MOSMO: variants seen among roughly 807,000 people sequenced by gnomAD.
MOSMO encodes the protein modulator of smoothened protein.
In MOSMO, 5 loss-of-function variants were observed where a neutral mutation model predicts 18.4. That is an observed-to-expected ratio of 0.27 (90% CI 0.14 to 0.57). The LOEUF (loss-of-function observed/expected upper bound fraction) is 0.57. Ranked by LOEUF, MOSMO falls within the 20% of genes least tolerant of loss-of-function variation. The pLI is 0.92. For synonymous variants in MOSMO, 82 were observed against 82.3 expected (o/e 1.00, Z 0.02); for missense variants, 138 against 211.8 (o/e 0.65, Z 2.16).
At chr16:22,009,189 T>C (rs1899463774) in intron 1 of MOSMO, among the ~76,000 whole-genome samples, 1 of 152,226 alleles carries the variant, frequency 6.6e-6, no homozygotes, top group Non-Finnish European at 1.5e-5. Flanking sequence ...GGAGCTATAA[T>C]ACTACTAATA....
downstream of MOSMO, among the ~76,000 whole-genome samples, chr16:22,088,157 GGGACTACAGGTGCATGCCACCAC>G (rs982761057): frequency 6.6e-6 from 1 of 151,860 alleles, no homozygotes; most frequent in Admixed American, 6.6e-5. Flanking sequence ...CCAAGTAGCT[GGGACTACAGGTGCATGCCACCAC>G]GGCCTGCTAA....
chr16:22,073,294 TTGTA>T (rs1900896101), intron 1 of MOSMO, among the ~76,000 whole-genome samples: 1 of 152,166 alleles, frequency 6.6e-6, no homozygotes. Flanking sequence ...TGTACAGACT[TTGTA>T]TGTTAAATTG....
chr16:22,071,041 G>A (rs1161183060), intron 1 of MOSMO, among the ~76,000 whole-genome samples: 1 of 152,204 alleles, frequency 6.6e-6, no homozygotes, highest in African/African-American at 2.4e-5. Context: ...TCTTGGGAAA[G>A]GCAGTATGTT....
At chr16:22,092,577 G>A in the MOSMO span, 2 of 1,544,900 alleles carry the variant, frequency 1.3e-6, no homozygotes, top group Non-Finnish European at 1.8e-6. Context: ...CCAGAAGTGA[G>A]ATCCAGGAGA....
At chr16:22,018,479 AG>A (rs1229109849) in intron 1 of MOSMO, among the ~76,000 whole-genome samples, 1 of 152,204 alleles carries the variant, frequency 6.6e-6, no homozygotes, top group Non-Finnish European at 1.5e-5. Flanking sequence ...TTGATTTATA[AG>A]GTACCATCAT....
At chr16:22,066,266 C>T (rs1480789682) in intron 1 of MOSMO, among the ~76,000 whole-genome samples, 1 of 4,546 alleles carries the variant, frequency 2.2e-4, no homozygotes, top group Non-Finnish European at 3.2e-3. Context: ...TGTTCTATTC[C>T]TAGGCATTTG....
intron 1 of MOSMO, among the ~76,000 whole-genome samples, chr16:22,051,076 A>G (rs958846331): frequency 6.6e-6 from 1 of 152,046 alleles, no homozygotes; most frequent in Non-Finnish European, 1.5e-5. Context: ...TAGAAGCTAT[A>G]AAAGACATGA....
At chr16:22,088,055 G>T (rs1901220806), downstream of MOSMO, among the ~76,000 whole-genome samples, 1 of 151,494 alleles carries the variant, frequency 6.6e-6, no homozygotes, top group African/African-American at 2.4e-5. Context: ...TTGAGACAGG[G>T]TCTTGCTCTG....
At chr16:22,058,190 G>A (rs1274721255) in intron 1 of MOSMO, among the ~76,000 whole-genome samples, 1 of 152,158 alleles carries the variant, frequency 6.6e-6, no homozygotes, top group African/African-American at 2.4e-5. Context: ...CACTTTGGGA[G>A]GCCAAGGCGG....
At chr16:22,016,795 C>G (rs1899647653) in intron 1 of MOSMO, among the ~76,000 whole-genome samples, 1 of 152,176 alleles carries the variant, frequency 6.6e-6, no homozygotes, top group Non-Finnish European at 1.5e-5. Context: ...ATTAATACCT[C>G]TTTCAGCACT....
intron 1 of MOSMO, among the ~76,000 whole-genome samples, chr16:22,039,559 G>A (rs1332015582): frequency 6.6e-6 from 1 of 152,124 alleles, no homozygotes; most frequent in Non-Finnish European, 1.5e-5. Flanking sequence ...AGCAGGCTGG[G>A]CATGGTGGCT....
chr16:22,079,136 T>A (rs1901029723), intron 2 of MOSMO, among the ~76,000 whole-genome samples: 1 of 152,238 alleles, frequency 6.6e-6, no homozygotes, highest in African/African-American at 2.4e-5. Context: ...CCTAATTGAC[T>A]TTTTTAAAAC....
chr16:22,083,813 C>T lies in MOSMO; in HGVS notation c.*2933C>T. 2 of 377,956 alleles carry T rather than the reference C, an allele frequency of 5.3e-6. No homozygotes were observed. The highest frequency in any genetic ancestry group is 1.0e-5 in the Non-Finnish European group (2 of 195,512). 23.4% of individuals were successfully genotyped at this position (377,956 alleles called of 1,614,324 possible). A position where few individuals can be genotyped will look rare whatever the true frequency, so the allele number is the denominator to read the frequency against. ...TTGAACATACCCAAACATCTGTAAA[C>T]ATGAAAAATCTTCAATTTATTAAAA... On this transcript the variant is annotated 3_prime_UTR_variant, in exon 3 of 3. Transcript: ENST00000542527.
Position 22,072,804 on chromosome 16 carries a change from C to G in MOSMO, c.107-2683C>G, listed in dbSNP as rs374969420. ...CCTGGGTGACAGAGCGAGACTCCAT[C>G]TCAAAAAAAAAAAAAAAAAGTGTAT... On this transcript the variant is annotated intron_variant, in intron 1 of 2. Coordinates refer to ENST00000542527, the MANE Select transcript of MOSMO (RefSeq NM_001164579.2). Among the ~76,000 whole-genome samples, 21 of 141,750 alleles carry G rather than the reference C, an allele frequency of 1.5e-4. 1 individual carries two copies. In the East Asian group the frequency reaches 2.2e-3, roughly 15 times the overall value. The allele number at this position is 141,750 out of a possible 152,430, so 93.0% of individuals were successfully genotyped here. A position where few individuals can be genotyped will look rare whatever the true frequency, so the allele number is the denominator to read the frequency against.
At chr16:22,074,673 G>A (rs1388688367) in intron 1 of MOSMO, among the ~76,000 whole-genome samples, 1 of 152,160 alleles carries the variant, frequency 6.6e-6, no homozygotes, top group African/African-American at 2.4e-5. Flanking sequence ...CCTTGGGTTT[G>A]ACATGAGAAC....
At chr16:22,022,201 T>TA (rs1216581326) in intron 1 of MOSMO, among the ~76,000 whole-genome samples, 1 of 151,762 alleles carries the variant, frequency 6.6e-6, no homozygotes, top group Non-Finnish European at 1.5e-5. Flanking sequence ...TTTTTTCCAT[T>TA]AAAAAAAGTA....
At chr16:22,038,377 A>G (rs1900148139) in intron 1 of MOSMO, among the ~76,000 whole-genome samples, 1 of 152,200 alleles carries the variant, frequency 6.6e-6, no homozygotes, top group Non-Finnish European at 1.5e-5. Flanking sequence ...GTCAACATCC[A>G]TCGTAATGAG....
chr16:22,060,369 T>C (rs557969005), intron 1 of MOSMO, among the ~76,000 whole-genome samples: 1 of 152,170 alleles, frequency 6.6e-6, no homozygotes, highest in African/African-American at 2.4e-5. Context: ...TTTTAATTGA[T>C]AAAGATTTTA....
intron 1 of MOSMO, among the ~76,000 whole-genome samples, chr16:22,049,849 T>C (rs749447173): frequency 1.3e-5 from 2 of 152,208 alleles, no homozygotes; most frequent in Non-Finnish European, 2.9e-5. Context: ...TACTGAATAA[T>C]CCATTCTTTC....
Sources: allele counts gnomAD v4.1 joint callset (sites outside exome capture counted in the v4.1 genomes callset), GRCh38; gene constraint gnomAD v4.1.1; transcripts MANE v1.5; gene names NCBI Gene and HGNC (gene_info 2026-07-23, HGNC 2026-07-21).